CEP41: variants seen among roughly 807,000 people sequenced by gnomAD.
CEP41 encodes the protein centrosomal protein of 41 kDa.
CEP41 carries 32 observed loss-of-function variants against 44.3 expected under a neutral mutation model. The observed-to-expected ratio is 0.72, with a 90% CI of 0.54 to 0.97. CEP41 has a LOEUF of 0.97. CEP41 is among the 50% of genes least tolerant of loss of function. The pLI is 0.00. For missense variants in CEP41, 432 were observed against 455.2 expected (o/e 0.95, Z 0.46); for synonymous variants, 151 against 168.5 (o/e 0.90, Z 0.80).
At chr7:130,416,893 C>A in intron 3 of CEP41, 26 bp downstream of exon 3, 5 of 1,547,242 alleles carry the variant, frequency 3.2e-6, no homozygotes, top group South Asian at 1.1e-5. Context: ...CTTCCACTCT[C>A]CCAAACCATC....
In CEP41 at chr7:130,440,973, T is replaced by C; in HGVS notation, c.-7A>G. ...TGTGCCTCCGGAGGGACATATTTTC[T>C]CCAACCGACCACGTTCGGGGTTCTA... On this transcript the variant is annotated 5_prime_UTR_variant, in exon 1 of 11. Coordinates refer to ENST00000223208, the MANE Select transcript of CEP41 (RefSeq NM_018718.3). 1 of 1,612,736 alleles carries C rather than the reference T, an allele frequency of 6.2e-7. No individual in the cohort carries two copies. Among genetic ancestry groups the C allele is most frequent in the African/African-American group, 1.3e-5 (1 of 75,044 alleles).
At position 130,427,884 on chromosome 7, in the gene CEP41, T is replaced by C. The variant is rs1406734355; in HGVS notation, c.97+71A>G. On this transcript the variant is annotated intron_variant, in intron 2 of 10. Coordinates refer to ENST00000223208, the MANE Select transcript of CEP41 (RefSeq NM_018718.3). ...TTTTAGCTGTGATTTATACCAGATA[T>C]GTGGGGTTGCTTTCTGTCAATAATT... is the stretch of plus-strand genomic sequence containing the variant. The C allele has an allele frequency of 8.2e-6, 8 of 973,356 alleles. No individual in the cohort carries two copies. In the South Asian group the frequency reaches 9.3e-5, roughly 11 times the overall value. 60.3% of individuals were successfully genotyped at this position (973,356 alleles called of 1,614,324 possible).
At chr7:130,427,805 C>T (rs554672309) in intron 2 of CEP41, 150 bp downstream of exon 2, 7 of 594,420 alleles carry the variant, frequency 1.2e-5, no homozygotes, top group South Asian at 1.1e-4. Context: ...TGAAAAACAT[C>T]TTTCAAGGAT....
Position 130,395,178 on chromosome 7 carries a change from G to T in CEP41, c.*3713C>A, listed in dbSNP as rs554856704. The T allele has an allele frequency of 2.2e-5, 10 of 453,026 alleles. No individual in the cohort carries two copies. Among genetic ancestry groups the T allele is most frequent in the South Asian group, 1.6e-4 (10 of 64,286 alleles). The allele number at this position is 453,026 out of a possible 1,614,324, so 28.1% of individuals were successfully genotyped here. ...CATAATAATAATTTCAATAATTATT[G>T]TAAATCTAGGAAAGTATTACTACCC... On this transcript the variant is annotated 3_prime_UTR_variant, in exon 11 of 11. Coordinates refer to ENST00000223208, the MANE Select transcript of CEP41 (RefSeq NM_018718.3).
chr7:130,415,595 T>C (rs1554420701), intron 3 of CEP41, among the ~76,000 whole-genome samples: 2 of 152,156 alleles, frequency 1.3e-5, no homozygotes, highest in African/African-American at 4.8e-5. Flanking sequence ...ACATCGTACT[T>C]TGAAGAAATG....
chr7:130,434,886 T>C (rs1797918127), intron 1 of CEP41, among the ~76,000 whole-genome samples: 1 of 151,998 alleles, frequency 6.6e-6, no homozygotes, highest in African/African-American at 2.4e-5. Flanking sequence ...ATACAGATAA[T>C]CAAATCATAT....
At chr7:130,440,805 A>ACCCCCCC in intron 1 of CEP41, 129 bp downstream of exon 1, 1 of 352,300 alleles carries the variant, frequency 2.8e-6, no homozygotes. Context: ...CTGCATCCCG[A>ACCCCCCC]CCCCTCCTCA....
At chr7:130,402,878 T>C (rs1297807368) in intron 6 of CEP41, 79 bp from the exon 7 acceptor site, 2 of 1,401,614 alleles carry the variant, frequency 1.4e-6, no homozygotes, top group South Asian at 1.2e-5. Context: ...TTCAGAATAG[T>C]GAGGTGAGTG....
At chr7:130,407,953 A>G (rs1165182385) in intron 5 of CEP41, among the ~76,000 whole-genome samples, 1 of 152,208 alleles carries the variant, frequency 6.6e-6, no homozygotes, top group African/African-American at 2.4e-5. Context: ...ATAGATTTAA[A>G]AAATTAGCTC....
At chr7:130,401,590 A>C (rs1288480821) in intron 8 of CEP41, among the ~76,000 whole-genome samples, 8 of 152,152 alleles carry the variant, frequency 5.3e-5, no homozygotes, top group Non-Finnish European at 2.9e-5. Context: ...AAAAAACCCT[A>C]AGTTCTGCTA....
intron 4 of CEP41, 170 bp downstream of exon 4, chr7:130,412,009 C>G (rs907059656): frequency 1.6e-6 from 1 of 642,698 alleles, no homozygotes; most frequent in Non-Finnish European, 2.8e-6. Flanking sequence ...TTCTCACCAT[C>G]TTCATGTGAA....
intron 2 of CEP41, chr7:130,419,168 GT>G: frequency 1.0e-6 from 1 of 985,382 alleles, no homozygotes; most frequent in Middle Eastern, 5.2e-4. Context: ...TGAGAAACAA[GT>G]TTTTTGCAAT....
intron 7 of CEP41, among the ~76,000 whole-genome samples, chr7:130,402,189 C>G (rs1562978290): frequency 6.6e-6 from 1 of 151,856 alleles, no homozygotes; most frequent in Non-Finnish European, 1.5e-5. Context: ...ATAAAAAATA[C>G]AAAAACATTA....
chr7:130,427,175 A>G (rs1056461274), intron 2 of CEP41, among the ~76,000 whole-genome samples: 1 of 152,234 alleles, frequency 6.6e-6, no homozygotes, highest in African/African-American at 2.4e-5. Flanking sequence ...TGAGGTTACT[A>G]GTGGGAAATT....
At position 130,422,021 on chromosome 7, in the gene CEP41, G is replaced by T. The variant is rs1397293251; in HGVS notation, c.98-5055C>A. 7 of 1,535,570 alleles carry T rather than the reference G, an allele frequency of 4.6e-6. No homozygotes were observed. In the Admixed American group the frequency reaches 9.8e-5, roughly 22 times the overall value. ...ACACACAGGCACCTATGGAACAAAA[G>T]AAATATTTGAAGTTCAAAATAATTC... On this transcript the variant is annotated intron_variant, in intron 2 of 10. Coordinates refer to ENST00000223208, the MANE Select transcript of CEP41 (RefSeq NM_018718.3).
chr7:130,401,821 A>T (rs1168044722), intron 8 of CEP41, 60 bp downstream of exon 8: 1 of 1,150,854 alleles, frequency 8.7e-7, no homozygotes, highest in African/African-American at 1.5e-5. Context: ...GTGGTTCATG[A>T]TAACTTTGAT....
At chr7:130,400,984 T>C (rs1554416803) in intron 8 of CEP41, 163 bp from the exon 9 acceptor site, 2 of 638,516 alleles carry the variant, frequency 3.1e-6, no homozygotes, top group East Asian at 5.6e-5. Context: ...TGGTTTCCCA[T>C]CATGGAAACC....
intron 3 of CEP41, among the ~76,000 whole-genome samples, chr7:130,414,994 A>T (rs1328541583): frequency 6.6e-6 from 1 of 152,224 alleles, no homozygotes; most frequent in African/African-American, 2.4e-5. Flanking sequence ...CTGACTATCT[A>T]GGATGTTTCA....
rs199678365 is a variant in CEP41 at position 130,404,558 on chromosome 7, G to A, written c.422+6C>T. On this transcript the variant is annotated splice_donor_region_variant and intron_variant, in intron 6 of 10. Transcript: ENST00000223208. ...TGCAGTGAAAATATGAATCAGCTTCGAGTACCTCTGAAGAGTTGAGCGGCT... is the reference window on the plus strand; with the variant it reads ...TGCAGTGAAAATATGAATCAGCTTCAAGTACCTCTGAAGAGTTGAGCGGCT... 108 of 1,611,500 alleles carry A rather than the reference G, an allele frequency of 6.7e-5. No homozygotes were observed. The highest frequency in any genetic ancestry group is 1.6e-4 in the Middle Eastern group (1 of 6,080).
Sources: allele counts gnomAD v4.1 joint callset (sites outside exome capture counted in the v4.1 genomes callset), GRCh38; gene constraint gnomAD v4.1.1; transcripts MANE v1.5; gene names NCBI Gene and HGNC (gene_info 2026-07-23, HGNC 2026-07-21).